The following WAC variants were observed in gnomAD, a reference collection of about 807,000 sequenced individuals.
The protein encoded by WAC is WW domain-containing adapter protein with coiled-coil.
Under a neutral mutation model 79.6 loss-of-function variants are expected in WAC, and 11 were observed. The ratio of observed to expected loss-of-function variants is 0.14; its 90% confidence interval spans 0.09 to 0.23. The LOEUF (loss-of-function observed/expected upper bound fraction) is 0.23. WAC is among the 10% of genes least tolerant of loss of function. The pLI is 1.00. For missense variants in WAC, 728 were observed against 773.5 expected (o/e 0.94, Z 0.70); for synonymous variants, 304 against 276.9 (o/e 1.10, Z -0.97).
intron 3 of WAC, among the ~76,000 whole-genome samples, chr10:28,573,872 C>T (rs548924176): frequency 6.6e-6 from 1 of 152,076 alleles, no homozygotes; most frequent in South Asian, 2.1e-4. Flanking sequence ...ACACCCCCCT[C>T]ACCCTCAGCT....
At chr10:28,618,188 G>A (rs187581051) in intron 13 of WAC, 1 of 156,390 alleles carries the variant, frequency 6.4e-6, no homozygotes, top group African/African-American at 2.4e-5. Flanking sequence ...TGTATCTGCT[G>A]TCTTAGTATT....
At chr10:28,553,072 G>A (rs950270490) in intron 3 of WAC, among the ~76,000 whole-genome samples, 29 of 152,078 alleles carry the variant, frequency 1.9e-4, no homozygotes, top group Admixed American at 1.0e-3. Context: ...GTGTGGAGAC[G>A]AATGGAATAT....
At chr10:28,578,374 G>C (rs1839358409) in intron 3 of WAC, among the ~76,000 whole-genome samples, 1 of 152,098 alleles carries the variant, frequency 6.6e-6, no homozygotes, top group South Asian at 2.1e-4. Flanking sequence ...CTTCCTTAGT[G>C]TCTTAAAGAG....
At chr10:28,575,653 T>G (rs537145224) in intron 3 of WAC, among the ~76,000 whole-genome samples, 2 of 152,322 alleles carry the variant, frequency 1.3e-5, no homozygotes, top group Non-Finnish European at 2.9e-5. Context: ...TTTGTTCAGA[T>G]TTTTTACTCA....
chr10:28,597,387 C>G lies in WAC; in HGVS notation c.919+1346C>G, dbSNP rs1374458236. Among the ~76,000 whole-genome samples the G allele has an allele frequency of 6.6e-5, 10 of 152,218 alleles. No individual in the cohort carries two copies. In the East Asian group the frequency reaches 1.9e-3, roughly 29 times the overall value. On this transcript the variant is annotated intron_variant, in intron 7 of 13. Coordinates refer to ENST00000354911, the MANE Select transcript of WAC (RefSeq NM_016628.5). ...CACAGAAAATTTTACTTTAACAATC[C>G]TTGTCAGTTAAAATTCTGATGACCC...
intron 7 of WAC, among the ~76,000 whole-genome samples, chr10:28,606,327 C>A (rs1368790730): frequency 2.0e-5 from 3 of 152,196 alleles, no homozygotes; most frequent in Admixed American, 6.5e-5. Flanking sequence ...TGAGCCACCA[C>A]GTCCATCTGA....
Position 28,619,930 on chromosome 10 carries a change from A to C in WAC, c.*324A>C, listed in dbSNP as rs1023722018. On this transcript the variant is annotated 3_prime_UTR_variant, in exon 14 of 14. Coordinates refer to ENST00000354911, the MANE Select transcript of WAC (RefSeq NM_016628.5). ...GGTGGCTAAATACCTAGCCTTTTACATGTAAACCTGTCTGCAAAATTAGCT... is the reference window on the plus strand; with the variant it reads ...GGTGGCTAAATACCTAGCCTTTTACCTGTAAACCTGTCTGCAAAATTAGCT... 5.4e-6 allele frequency: 1 copy of C among 184,232 alleles called. No individual in the cohort carries two copies. The highest frequency in any genetic ancestry group is 2.3e-5 in the African/African-American group (1 of 42,624). The allele number at this position is 184,232 out of a possible 1,614,324, so 11.4% of individuals were successfully genotyped here. A position where few individuals can be genotyped will look rare whatever the true frequency, so the allele number is the denominator to read the frequency against.
intron 7 of WAC, among the ~76,000 whole-genome samples, chr10:28,602,651 C>A (rs1840699557): frequency 6.6e-6 from 1 of 152,094 alleles, no homozygotes; most frequent in Non-Finnish European, 1.5e-5. Flanking sequence ...TTTAGATCTT[C>A]TGTATATTGA....
intron 10 of WAC, among the ~76,000 whole-genome samples, chr10:28,613,242 C>T (rs1454164968): frequency 1.3e-5 from 2 of 152,194 alleles, no homozygotes; most frequent in Non-Finnish European, 2.9e-5. Flanking sequence ...TGGCACAGAC[C>T]TATAATCCCA....
chr10:28,545,983 G>A (rs900986794), intron 3 of WAC, among the ~76,000 whole-genome samples: 3 of 152,222 alleles, frequency 2.0e-5, no homozygotes, highest in African/African-American at 4.8e-5. Context: ...AGTTAGTAGA[G>A]TATACTTAGG....
chr10:28,589,744 T>G lies in WAC; in HGVS notation c.390T>G (p.Asp130Glu), dbSNP rs1360254676. ...AAAAATATATTTTTAAGCCTTATGATTCTGCAGATGACTGGTCTGAGCATA... is the reference window on the plus strand; with the variant it reads ...AAAAATATATTTTTAAGCCTTATGAGTCTGCAGATGACTGGTCTGAGCATA... ...NPSKTSDAPY[D>E]SADDWSEHIS... The change falls in exon 5 of 14, where the codon GAT (aspartate) becomes GAG (glutamate). Residue 130 changes from aspartate to glutamate, a missense_variant. Physicochemically the swap from Asp to Glu is conservative, Grantham distance 45 (BLOSUM62 2). Coordinates refer to ENST00000354911, the MANE Select transcript of WAC (RefSeq NM_016628.5). 1 of 1,599,630 alleles carries G rather than the reference T, an allele frequency of 6.3e-7. No homozygotes were observed. The highest frequency in any genetic ancestry group is 8.5e-7 in the Non-Finnish European group (1 of 1,171,318).
chr10:28,615,245 G>C (rs1416259730), intron 11 of WAC: 1 of 152,164 alleles, frequency 6.6e-6, no homozygotes, highest in Non-Finnish European at 1.5e-5. Context: ...GTTTTCATTT[G>C]ATTGATTTTC....
intron 4 of WAC, among the ~76,000 whole-genome samples, chr10:28,587,801 A>G (rs1839897415): frequency 6.6e-6 from 1 of 152,172 alleles, no homozygotes; most frequent in Admixed American, 6.5e-5. Flanking sequence ...GCTTGGACTA[A>G]TCTAGAATTT....
chr10:28,594,910 G>A (rs957711244), intron 6 of WAC, among the ~76,000 whole-genome samples: 5 of 152,106 alleles, frequency 3.3e-5, no homozygotes, highest in African/African-American at 1.2e-4. Flanking sequence ...GTACTGTTTT[G>A]TGGAATCATG....
intron 7 of WAC, among the ~76,000 whole-genome samples, chr10:28,603,660 C>G (rs536978016): frequency 1.3e-5 from 2 of 151,838 alleles, no homozygotes; most frequent in Non-Finnish European, 2.9e-5. Flanking sequence ...AGGCCAGGTG[C>G]GGTAGCTCAC....
chr10:28,544,009 A>G (rs530937145), intron 3 of WAC, among the ~76,000 whole-genome samples: 1 of 152,170 alleles, frequency 6.6e-6, no homozygotes, highest in African/African-American at 2.4e-5. Context: ...CCGCCACCCA[A>G]ATAGCTGGGA....
At chr10:28,607,973 C>G (rs1264015699) in intron 7 of WAC, among the ~76,000 whole-genome samples, 1 of 152,114 alleles carries the variant, frequency 6.6e-6, no homozygotes, top group Non-Finnish European at 1.5e-5. Flanking sequence ...CTTTCTTGTT[C>G]AGCTTTCTTA....
At chr10:28,579,026 A>G (rs332144) in intron 3 of WAC, among the ~76,000 whole-genome samples, 80,677 of 151,956 alleles carry the variant, frequency 0.53, 21,604 homozygotes, top group Middle Eastern at 0.64. Context: ...AAACCAAGTC[A>G]TTCCCAATAG....
chr10:28,563,138 C>T (rs1161904163), intron 3 of WAC, among the ~76,000 whole-genome samples: 1 of 152,136 alleles, frequency 6.6e-6, no homozygotes, highest in African/African-American at 2.4e-5. Context: ...CTCCTGACCT[C>T]AAGTGATCTG....
Sources: allele counts gnomAD v4.1 joint callset (sites outside exome capture counted in the v4.1 genomes callset), GRCh38; gene constraint gnomAD v4.1.1; transcripts MANE v1.5; gene names NCBI Gene and HGNC (gene_info 2026-07-23, HGNC 2026-07-21).